The following SVEP1 variants were observed in gnomAD, a reference collection of about 807,000 sequenced individuals.
SVEP1 encodes the protein sushi, von Willebrand factor type A, EGF and pentraxin domain containing 1.
SVEP1 carries 164 observed loss-of-function variants against 367.3 expected under a neutral mutation model. The ratio of observed to expected loss-of-function variants is 0.45; its 90% CI spans 0.39 to 0.51. The LOEUF is 0.51. Among genes scored for constraint, SVEP1 ranks in the 20% least tolerant of loss-of-function variants. The pLI is 0.00. For missense variants in SVEP1, 4,117 were observed against 4,425.3 expected (o/e 0.93, Z 1.98); for synonymous variants, 1,666 against 1,611.6 (o/e 1.03, Z -0.81).
chr9:110,493,912 A>G (rs1438690666), intron 8 of SVEP1, among the ~76,000 whole-genome samples: 2 of 152,174 alleles, frequency 1.3e-5, no homozygotes, highest in African/African-American at 4.8e-5. Context: ...TCTAGCTTTT[A>G]GAGGCTGCCT....
At chr9:110,534,236 G>A (rs922387049) in intron 3 of SVEP1, among the ~76,000 whole-genome samples, 2 of 151,968 alleles carry the variant, frequency 1.3e-5, no homozygotes, top group Non-Finnish European at 2.9e-5. Context: ...TCTTCATGAC[G>A]TCTCATCATT....
intron 2 of SVEP1, among the ~76,000 whole-genome samples, chr9:110,549,140 A>ATTTCTTCTTAGTCTGTAT (rs1830253504): frequency 1.3e-5 from 2 of 152,204 alleles, no homozygotes; most frequent in East Asian, 3.9e-4. Flanking sequence ...ATTTCCTGTG[A>ATTTCTTCTTAGTCTGTAT]TTTCTTCCTA....
chr9:110,449,410 T>C (rs962711979), intron 24 of SVEP1, among the ~76,000 whole-genome samples: 2 of 152,194 alleles, frequency 1.3e-5, no homozygotes, highest in African/African-American at 4.8e-5. Context: ...TGATTGCAGA[T>C]TCCATTTTGA....
At chr9:110,529,666 A>G (rs181476758) in intron 3 of SVEP1, among the ~76,000 whole-genome samples, 97 of 151,526 alleles carry the variant, frequency 6.4e-4, no homozygotes, top group Admixed American at 6.2e-3. Flanking sequence ...TTTCAGCTTG[A>G]TTGTTGGTGG....
intron 3 of SVEP1, among the ~76,000 whole-genome samples, chr9:110,536,420 T>C (rs925226770): frequency 1.3e-5 from 2 of 152,008 alleles, no homozygotes; most frequent in Non-Finnish European, 2.9e-5. Flanking sequence ...GCAAAGACTT[T>C]GCAAGTGGCA....
rs771340709 is a variant in SVEP1 at position 110,406,273 on chromosome 9, T to A, written c.9327A>T (p.Val3109=). 3.1e-6 allele frequency: 5 copies of A among 1,613,960 alleles called. No individual in the cohort carries two copies. The East Asian group carries it at 8.9e-5, about 29-fold the overall frequency. ...SSDLICTEKG[V]WSQPYPVCEP... The stretch of plus-strand genomic sequence containing the variant: ...CACAGACTGGATAAGGCTGGCTCCA[T>A]ACCCCTTTCTCTGTACAAATCAGAT... Residue 3109 remains valine (V), a synonymous_variant, in exon 38 of 48, where the codon GTA becomes GTT. Coordinates refer to ENST00000374469, the MANE Select transcript of SVEP1 (RefSeq NM_153366.4).
chr9:110,439,969 AAAAT>A (rs1335964951), intron 27 of SVEP1, among the ~76,000 whole-genome samples: 2 of 152,194 alleles, frequency 1.3e-5, no homozygotes, highest in East Asian at 3.8e-4. Context: ...TTTTAACCAG[AAAAT>A]AAATATACGT....
At chr9:110,529,868 T>A (rs551505077) in intron 3 of SVEP1, among the ~76,000 whole-genome samples, 2 of 152,270 alleles carry the variant, frequency 1.3e-5, no homozygotes, top group East Asian at 1.9e-4. Flanking sequence ...TTCTTTCTGA[T>A]GGTTCTGGCG....
chr9:110,523,854 C>A (rs1200521466), intron 3 of SVEP1, among the ~76,000 whole-genome samples: 6 of 149,810 alleles, frequency 4.0e-5, no homozygotes, highest in Non-Finnish European at 5.9e-5. Context: ...AATATAAGAG[C>A]AGAAATCAAT....
chr9:110,571,963 GA>G, intron 1 of SVEP1, among the ~76,000 whole-genome samples: 1 of 152,148 alleles, frequency 6.6e-6, no homozygotes. Context: ...TGCACCCTTG[GA>G]ATGAATATTT....
intron 25 of SVEP1, 147 bp from the exon 26 acceptor site, chr9:110,446,185 C>G (rs1376970880): frequency 1.4e-6 from 1 of 691,178 alleles, no homozygotes; most frequent in African/African-American, 1.8e-5. Context: ...ATATTATTTA[C>G]AAAATACATA....
At chr9:110,395,880 T>TTAGACTCCCACACAATAATA in intron 40 of SVEP1, among the ~76,000 whole-genome samples, 2 of 152,010 alleles carry the variant, frequency 1.3e-5, no homozygotes. Context: ...ACAAAGAGAC[T>TTAGACTCCCACACAATAATA]TAGACTCCCA....
At chr9:110,529,055 G>A (rs746165765) in intron 3 of SVEP1, among the ~76,000 whole-genome samples, 18 of 151,830 alleles carry the variant, frequency 1.2e-4, no homozygotes, top group Admixed American at 2.0e-4. Flanking sequence ...TTTTTTATAC[G>A]GTGAGAGACA....
chr9:110,401,097 T>A, intron 39 of SVEP1, 88 bp from the exon 40 acceptor site: 1 of 1,507,792 alleles, frequency 6.6e-7, no homozygotes, highest in Non-Finnish European at 9.0e-7. Context: ...ATTTGCAGAA[T>A]AATCTCCAAA....
chr9:110,389,764 A>C (rs2118969342), intron 40 of SVEP1, among the ~76,000 whole-genome samples, 177 bp from the exon 41 acceptor site: 1 of 152,252 alleles, frequency 6.6e-6, no homozygotes, highest in Non-Finnish European at 1.5e-5. Context: ...TTTATTTATC[A>C]AATTGCTTCA....
rs192006856 is a variant in SVEP1 at position 110,404,672 on chromosome 9, T to C, written c.9441-120A>G. On this transcript the variant is annotated intron_variant, in intron 38 of 47. Transcript: ENST00000374469. ...GATATTTTGTGCAACATATTGATTG[T>C]TGCACAATCAATATGTCAGGCGGAT... 1.6e-3 allele frequency: 1,436 copies of C among 901,842 alleles called. 3 individuals are homozygous for C. Among genetic ancestry groups the C allele is most frequent in the Non-Finnish European group, 2.0e-3 (1,151 of 567,980 alleles). The allele number at this position is 901,842 out of a possible 1,614,324, so 55.9% of individuals were successfully genotyped here. A position where few individuals can be genotyped will look rare whatever the true frequency, so the allele number is the denominator to read the frequency against.
intron 1 of SVEP1, among the ~76,000 whole-genome samples, chr9:110,571,849 T>C (rs1830566945): frequency 6.6e-6 from 1 of 152,172 alleles, no homozygotes; most frequent in African/African-American, 2.4e-5. Flanking sequence ...ATTGCTACAA[T>C]TTGCTAAGAG....
intron 27 of SVEP1, among the ~76,000 whole-genome samples, chr9:110,441,281 T>C (rs1828506192): frequency 6.6e-6 from 1 of 152,232 alleles, no homozygotes; most frequent in Non-Finnish European, 1.5e-5. Context: ...GCAGCCTCTA[T>C]ATTAATCTCC....
chr9:110,508,103 A>AT (rs1829652412), intron 5 of SVEP1, among the ~76,000 whole-genome samples: 1 of 152,246 alleles, frequency 6.6e-6, no homozygotes, highest in African/African-American at 2.4e-5. Context: ...TTCAACTTAT[A>AT]TTTTTTTCAT....
Sources: allele counts gnomAD v4.1 joint callset (sites outside exome capture counted in the v4.1 genomes callset), GRCh38; gene constraint gnomAD v4.1.1; transcripts MANE v1.5; gene names NCBI Gene and HGNC (gene_info 2026-07-23, HGNC 2026-07-21).